SVEP1: variants seen among roughly 807,000 people sequenced by gnomAD.
The protein encoded by SVEP1 is sushi, von Willebrand factor type A, EGF and pentraxin domain-containing protein 1.
SVEP1 carries 164 observed loss-of-function variants against 367.3 expected under a neutral mutation model. That is an observed-to-expected ratio of 0.45 (90% CI 0.39 to 0.51). The LOEUF is 0.51. Ranked by LOEUF, SVEP1 falls within the 20% of genes least tolerant of loss-of-function variation. SVEP1 has a pLI of 0.00. For missense variants in SVEP1, 4,117 were observed against 4,425.3 expected, an observed-to-expected ratio of 0.93 and a Z score of 1.98; for synonymous variants, 1,666 against 1,611.6, an observed-to-expected ratio of 1.03 and a Z score of -0.81.
Position 110,549,883 on chromosome 9 carries a change from T to C in SVEP1, c.753A>G (p.Glu251=). 1 of 1,613,904 alleles carries C rather than the reference T, an allele frequency of 6.2e-7. No homozygotes were observed. The highest frequency in any genetic ancestry group is 8.5e-7 in the Non-Finnish European group (1 of 1,179,846). The change falls in exon 2 of 48, where the codon GAA becomes GAG. Residue 251 remains glutamate (E), a synonymous_variant. Coordinates refer to ENST00000374469, the MANE Select transcript of SVEP1 (RefSeq NM_153366.4). ...EHCYLLHSFE[E]FEALARRALH... is the part of the protein sequence containing the mutation. ...ATGCCCGGCGAGCTAAAGCCTCAAA[T>C]TCTTCAAAACTGTGTAGCAGGTAAC...
intron 14 of SVEP1, among the ~76,000 whole-genome samples, chr9:110,475,275 GAATT>G (rs1564153373): frequency 1.3e-5 from 2 of 152,082 alleles, no homozygotes; most frequent in African/African-American, 4.8e-5. Flanking sequence ...GCCGTAATGC[GAATT>G]AATACTTACC....
At chr9:110,403,169 C>G (rs568455406) in intron 39 of SVEP1, among the ~76,000 whole-genome samples, 1 of 152,080 alleles carries the variant, frequency 6.6e-6, no homozygotes, top group Non-Finnish European at 1.5e-5. Flanking sequence ...ACACCAACCC[C>G]AACTCCAGCA....
At position 110,481,303 on chromosome 9, in the gene SVEP1, A is replaced by G. The variant is rs1394980057; in HGVS notation, c.2304T>C (p.Tyr768=). 1 of 1,611,160 alleles carries G rather than the reference A, an allele frequency of 6.2e-7. No individual in the cohort carries two copies. Reference sequence around the variant, plus strand: ...TCCAGACGCCATCTTCATAAGCACAATAATACTTGTCAGTAGACCCTTCTG... The same window carrying G: ...TCCAGACGCCATCTTCATAAGCACAGTAATACTTGTCAGTAGACCCTTCTG... ...DFTEGSTDKY[Y]CAYEDGVWKP... Residue 768 remains tyrosine (Y), a synonymous_variant, in exon 12 of 48, where the codon TAT becomes TAC. Transcript: ENST00000374469.
chr9:110,415,112 A>G (rs560708290), intron 36 of SVEP1, among the ~76,000 whole-genome samples: 1 of 152,164 alleles, frequency 6.6e-6, no homozygotes, highest in East Asian at 1.9e-4. Flanking sequence ...AAAAAGATAA[A>G]TGTTTTGATA....
At chr9:110,391,167 A>T (rs1827648999) in intron 40 of SVEP1, among the ~76,000 whole-genome samples, 1 of 152,160 alleles carries the variant, frequency 6.6e-6, no homozygotes, top group Non-Finnish European at 1.5e-5. Flanking sequence ...AATTCTGTTG[A>T]ATCAGTACCA....
At chr9:110,483,752 G>T (rs1162901568) in intron 9 of SVEP1, 59 bp from the exon 10 acceptor site, 3 of 1,330,524 alleles carry the variant, frequency 2.3e-6, no homozygotes, top group East Asian at 2.7e-5. Flanking sequence ...CGATGAGGAG[G>T]TTTTCAAAAG....
chr9:110,377,184 G>T, intron 45 of SVEP1, 87 bp downstream of exon 45: 1 of 1,238,632 alleles, frequency 8.1e-7, no homozygotes. Context: ...CTTCCCAACA[G>T]TACAACCATT....
At chr9:110,490,326 T>A (rs1288164376) in intron 8 of SVEP1, among the ~76,000 whole-genome samples, 1 of 152,184 alleles carries the variant, frequency 6.6e-6, no homozygotes, top group Non-Finnish European at 1.5e-5. Flanking sequence ...CTTTTCTTTA[T>A]GCTGGAACCT....
chr9:110,523,237 T>C (rs1829899300), intron 3 of SVEP1, among the ~76,000 whole-genome samples: 1 of 152,192 alleles, frequency 6.6e-6, no homozygotes, highest in Non-Finnish European at 1.5e-5. Context: ...TTTCATTCTC[T>C]GCAAGTCGTC....
intron 46 of SVEP1, among the ~76,000 whole-genome samples, chr9:110,370,553 T>C (rs887005025): frequency 6.6e-6 from 1 of 152,178 alleles, no homozygotes; most frequent in Non-Finnish European, 1.5e-5. Context: ...CATCCCTTTG[T>C]GTTTGGAGAG....
chr9:110,401,254 T>C (rs531314812), intron 39 of SVEP1, among the ~76,000 whole-genome samples: 5 of 152,304 alleles, frequency 3.3e-5, no homozygotes, highest in African/African-American at 1.2e-4. Context: ...ACAGGCATTT[T>C]CTTCCTAATA....
chr9:110,452,283 A>G (rs990731473), intron 22 of SVEP1, among the ~76,000 whole-genome samples: 1 of 152,200 alleles, frequency 6.6e-6, no homozygotes, highest in Admixed American at 6.5e-5. Context: ...TACATAATAC[A>G]TTTCACATCT....
chr9:110,399,041 C>A (rs1827815136), intron 40 of SVEP1, among the ~76,000 whole-genome samples: 2 of 152,130 alleles, frequency 1.3e-5, no homozygotes, highest in Admixed American at 1.3e-4. Flanking sequence ...AAGACACATG[C>A]ACATGTATGT....
chr9:110,538,697 A>T (rs10817034), intron 3 of SVEP1, among the ~76,000 whole-genome samples: 21,874 of 152,124 alleles, frequency 0.14, 1,813 homozygotes, highest in East Asian at 0.36. Context: ...ATAATGTTCA[A>T]TCTGCTAATC....
intron 46 of SVEP1, among the ~76,000 whole-genome samples, chr9:110,372,072 C>T (rs112963376): frequency 2.9e-4 from 44 of 152,334 alleles, no homozygotes; most frequent in African/African-American, 9.9e-4. Flanking sequence ...ATTCCAGCCA[C>T]TCCCCTGCAT....
chr9:110,542,022 GA>G (rs1564171926), intron 3 of SVEP1, among the ~76,000 whole-genome samples: 2 of 151,720 alleles, frequency 1.3e-5, no homozygotes, highest in Admixed American at 1.3e-4. Context: ...CCATTTTACA[GA>G]AAAAACTCAG....
intron 47 of SVEP1, among the ~76,000 whole-genome samples, chr9:110,368,457 C>T (rs894612190): frequency 6.6e-6 from 1 of 152,158 alleles, no homozygotes; most frequent in Non-Finnish European, 1.5e-5. Flanking sequence ...CTATATCAAA[C>T]TTTTGCGTAA....
At chr9:110,449,144 G>A (rs1828651715) in intron 24 of SVEP1, among the ~76,000 whole-genome samples, 1 of 152,134 alleles carries the variant, frequency 6.6e-6, no homozygotes, top group Non-Finnish European at 1.5e-5. Flanking sequence ...GTGGGGGATG[G>A]AATGGGATAG....
chr9:110,386,861 C>G (rs1041501506), intron 42 of SVEP1, among the ~76,000 whole-genome samples: 2 of 152,144 alleles, frequency 1.3e-5, no homozygotes, highest in African/African-American at 2.4e-5. Context: ...TGTTTTCATT[C>G]GAATGGCTAT....
Sources: allele counts gnomAD v4.1 joint callset (sites outside exome capture counted in the v4.1 genomes callset), GRCh38; gene constraint gnomAD v4.1.1; transcripts MANE v1.5; gene names NCBI Gene and HGNC (gene_info 2026-07-23, HGNC 2026-07-21).